Variants in CHERP observed in about 807,000 individuals in gnomAD.
The protein encoded by CHERP is ERPROT 213-21.
A neutral mutation model predicts 113.8 loss-of-function variants in CHERP; 8 were observed. The observed-to-expected ratio is 0.07, with a 90% CI of 0.04 to 0.13. CHERP has a LOEUF of 0.13. CHERP is among the 10% of genes least tolerant of loss of function. The probability of loss-of-function intolerance (pLI) is 1.00; values close to 1 mark genes in which losing one functional copy is unlikely to be tolerated. For synonymous variants in CHERP, 559 were observed against 524.5 expected (o/e 1.07, Z -0.90); for missense variants, 884 against 1,298.2 (o/e 0.68, Z 4.90).
Position 16,530,636 on chromosome 19 carries a change from G to A in CHERP, c.825C>T (p.Asp275=). The change falls in exon 7 of 17, where the codon GAC becomes GAT. Residue 275 remains aspartate (D), a synonymous_variant. Coordinates refer to ENST00000546361, the MANE Select transcript of CHERP (RefSeq NM_006387.6). This position sits in a 1 kb window ranked among gnomAD's most constrained non-coding sequence, Gnocchi z 4.1. The part of the protein sequence containing the change: ...QLWEKNGYFD[D]SIIQQLQSPA... ...GGCTCTGTAGCTGCTGAATGATGGAGTCATCGAAGTAGCCGTTTTTCTCCC... is the reference window on the plus strand; with the variant it reads ...GGCTCTGTAGCTGCTGAATGATGGAATCATCGAAGTAGCCGTTTTTCTCCC... 1 of 1,614,076 alleles carries A rather than the reference G, an allele frequency of 6.2e-7. No individual in the cohort carries two copies. The highest frequency in any genetic ancestry group is 1.1e-5 in the South Asian group (1 of 91,090).
rs1331715130 is a variant in CHERP, at chr19:16,525,917, G to C, written c.1306-240C>G. Among the ~76,000 whole-genome samples the C allele has an allele frequency of 6.6e-6, 1 of 152,164 alleles. No individual in the cohort carries two copies. The highest frequency in any genetic ancestry group is 2.1e-4 in the South Asian group (1 of 4,830). ...GCTGCACCCGCATCTCAGTCCCGGG[G>C]CTGTTTCTGCCGCTGGGGCGCGCTG... On this transcript the variant is annotated intron_variant, in intron 9 of 16. Transcript: ENST00000546361. The surrounding 1 kb of genome is among the most constrained non-coding windows in gnomAD (Gnocchi z 6.5).
chr19:16,533,126 GC>G lies in CHERP; in HGVS notation c.406del (p.Ala136ProfsTer17). 1 of 1,586,774 alleles carries G rather than the reference GC, an allele frequency of 6.3e-7. No individual in the cohort carries two copies. The highest frequency in any genetic ancestry group is 8.6e-7 in the Non-Finnish European group (1 of 1,166,910). On this transcript the variant is annotated frameshift_variant, in exon 4 of 17. Coordinates refer to ENST00000546361, the MANE Select transcript of CHERP (RefSeq NM_006387.6). LOFTEE classifies it high-confidence loss of function. ...LRQEQVTAAVAHAVEQQMQKL... is the reference protein window; with the variant it reads ...LRQEQVTAAVXHAVEQQMQKL... ...CTGCATCTGCTGCTCCACCGCGTGG[GC>G]CACGGCCGCTGTCACTTGCTCCTGC... is the stretch of plus-strand genomic sequence containing the variant.
Position 16,530,210 on chromosome 19 carries a change from C to T in CHERP, c.877-310G>A, listed in dbSNP as rs953904210. Among the ~76,000 whole-genome samples, 2 of 152,224 alleles carry T rather than the reference C, an allele frequency of 1.3e-5. No individual in the cohort carries two copies. Among genetic ancestry groups the T allele is most frequent in the African/African-American group, 2.4e-5 (1 of 41,448 alleles). On this transcript the variant is annotated intron_variant, in intron 7 of 16. Coordinates refer to ENST00000546361, the MANE Select transcript of CHERP (RefSeq NM_006387.6). This position sits in a 1 kb window ranked among gnomAD's most constrained non-coding sequence, Gnocchi z 4.1. Reference sequence around the variant, plus strand: ...CACTGCCCACCAACATTCTGGGACACGCTCATGGGCTCTGCCTCCCACTCG... The same window carrying T: ...CACTGCCCACCAACATTCTGGGACATGCTCATGGGCTCTGCCTCCCACTCG...
Position 16,530,463 on chromosome 19 carries a change from A to C in CHERP, c.876+122T>G. On this transcript the variant is annotated intron_variant, in intron 7 of 16. Coordinates refer to ENST00000546361, the MANE Select transcript of CHERP (RefSeq NM_006387.6). This position sits in a 1 kb window ranked among gnomAD's most constrained non-coding sequence, Gnocchi z 4.1. ...TCAACACACACTGGCTACTCCTAGC[A>C]CAGGCAGGGGACATGGGCTCTCTGG... 4 of 869,404 alleles carry C rather than the reference A, an allele frequency of 4.6e-6. No individual in the cohort carries two copies. Among genetic ancestry groups the C allele is most frequent in the Non-Finnish European group, 7.6e-6 (4 of 526,960 alleles). 53.9% of individuals were successfully genotyped at this position (869,404 alleles called of 1,614,324 possible).
intron 7 of CHERP, 100 bp from the exon 8 acceptor site, chr19:16,530,000 C>G: frequency 2.7e-6 from 4 of 1,460,872 alleles, no homozygotes; most frequent in Non-Finnish European, 3.7e-6. Flanking sequence ...GCCTGGGGGA[C>G]CTGGGGCAGG....
rs751586190 is a variant in CHERP, at chr19:16,529,769, TTGCTGCTGCTGCTGCTGC to T, written c.990_1007del (p.Gln336_Gln341del). The T allele has an allele frequency of 1.2e-6, 2 of 1,605,726 alleles. No individual in the cohort carries two copies. Among genetic ancestry groups the T allele is most frequent in the East Asian group, 2.2e-5 (1 of 44,852 alleles). ...GCATCTGGAGCTGCTGCTGCTGCTG[TTGCTGCTGCTGCTGCTGC>T]TGGGCCAGGCTGGTGACAAACTCCT... is the stretch of plus-strand genomic sequence containing the variant. On this transcript the variant is annotated inframe_deletion, in exon 8 of 17. Coordinates refer to ENST00000546361, the MANE Select transcript of CHERP (RefSeq NM_006387.6).
At chr19:16,534,771 G>C (rs919342638) in intron 3 of CHERP, among the ~76,000 whole-genome samples, 8 of 152,178 alleles carry the variant, frequency 5.3e-5, no homozygotes, top group African/African-American at 1.7e-4. Flanking sequence ...ACCACACCCA[G>C]CCAATGCACC....
chr19:16,536,703 C>T (rs138498853), intron 2 of CHERP, among the ~76,000 whole-genome samples: 1 of 152,300 alleles, frequency 6.6e-6, no homozygotes, highest in South Asian at 2.1e-4. Context: ...CCCTCTTTAC[C>T]CGTCCCTCCC....
Position 16,535,312 on chromosome 19 carries a change from T to G in CHERP, c.384+140A>C. On this transcript the variant is annotated intron_variant, in intron 3 of 16. Transcript: ENST00000546361. This position sits in a 1 kb window ranked among gnomAD's most constrained non-coding sequence, Gnocchi z 4.3. The stretch of plus-strand genomic sequence containing the variant: ...CTGGCATCAGGGCTGGGGGTGACAG[T>G]GGCTGACATGCACCGAGCCCTGGGT... The G allele has an allele frequency of 1.2e-6, 1 of 847,448 alleles. No homozygotes were observed. The highest frequency in any genetic ancestry group is 1.8e-6 in the Non-Finnish European group (1 of 546,550). 52.5% of individuals were successfully genotyped at this position (847,448 alleles called of 1,614,324 possible). A position where few individuals can be genotyped will look rare whatever the true frequency, so the allele number is the denominator to read the frequency against.
intron 2 of CHERP, among the ~76,000 whole-genome samples, chr19:16,540,421 G>A (rs1316665596): frequency 7.3e-6 from 1 of 136,578 alleles, no homozygotes; most frequent in African/African-American, 2.8e-5. Context: ...CACCCAGGCT[G>A]GAGCGCAATG....
rs2085580904 is a variant in CHERP, at chr19:16,519,130, G to A, written c.*29C>T. On this transcript the variant is annotated 3_prime_UTR_variant, in exon 17 of 17. Coordinates refer to ENST00000546361, the MANE Select transcript of CHERP (RefSeq NM_006387.6). The surrounding 1 kb of genome is among the most constrained non-coding windows in gnomAD (Gnocchi z 6.0). ...GAAGGTCCCACAGCCGGCACCGCTG[G>A]CCACCGGCGCGGCTCCCGGCATGGG... 1 of 1,597,414 alleles carries A rather than the reference G, an allele frequency of 6.3e-7. No individual in the cohort carries two copies. Among genetic ancestry groups the A allele is most frequent in the Non-Finnish European group, 8.5e-7 (1 of 1,172,062 alleles).
intron 9 of CHERP, chr19:16,526,037 G>A (rs571498403): frequency 7.1e-6 from 2 of 281,560 alleles, no homozygotes; most frequent in Admixed American, 5.3e-5. Context: ...AGGTGCAGAG[G>A]CACAGACGGT....
rs941317864 is a variant in CHERP at position 16,522,267 on chromosome 19, C to CT, written c.1981-614dup. ...CCGGCCCTGGCCTCCCCAACCCCCC[C>CT]TTTTTTTTTTTGAGACGGAGTCCTG... On this transcript the variant is annotated intron_variant, in intron 11 of 16. Coordinates refer to ENST00000546361, the MANE Select transcript of CHERP (RefSeq NM_006387.6). Among the ~76,000 whole-genome samples, 1,215 of 147,824 alleles carry CT rather than the reference C, an allele frequency of 8.2e-3. 12 individuals carry two copies. The highest frequency in any genetic ancestry group is 0.016 in the African/African-American group (662 of 40,742).
chr19:16,541,811 A>G, intron 2 of CHERP, 59 bp downstream of exon 2: 1 of 1,546,424 alleles, frequency 6.5e-7, no homozygotes, highest in Admixed American at 1.9e-5. Context: ...CAGAGCCCGG[A>G]CTGGAATCCG....
chr19:16,525,466 C>G lies in CHERP; in HGVS notation c.1517G>C (p.Gly506Ala). 6.4e-7 allele frequency: 1 copy of G among 1,551,658 alleles called. No individual in the cohort carries two copies. The highest frequency in any genetic ancestry group is 8.7e-7 in the Non-Finnish European group (1 of 1,148,616). ...GAAGGGTGGCTCGCGCTGGCCCCCGCCCCAGGGCGGCTGCTCGTGCTGGCT... is the reference window on the plus strand; with the variant it reads ...GAAGGGTGGCTCGCGCTGGCCCCCGGCCCAGGGCGGCTGCTCGTGCTGGCT... ...WNSQHEQPPWGGGQREPPFRM... is the reference protein window; with the variant it reads ...WNSQHEQPPWAGGQREPPFRM... Residue 506 changes from glycine (G) to alanine (A), a missense_variant, in exon 10 of 17, where the codon GGC becomes GCC. Gly to Ala is a moderately conservative substitution (Grantham distance 60). This residue lies in a region of CHERP where 464 missense variants were observed against 590.1 expected (regional missense o/e 0.79). Coordinates refer to ENST00000546361, the MANE Select transcript of CHERP (RefSeq NM_006387.6). The surrounding 1 kb of genome is among the most constrained non-coding windows in gnomAD (Gnocchi z 6.5).
chr19:16,517,912 A>G lies in CHERP; in HGVS notation c.*1247T>C, dbSNP rs2085559744. The G allele has an allele frequency of 6.6e-6, 1 of 152,318 alleles. No homozygotes were observed. 9.4% of individuals were successfully genotyped at this position (152,318 alleles called of 1,614,324 possible). Reference sequence around the variant, plus strand: ...AGAAAGGTCTTTAAAAAAAGGCTTTATTTGAAGGCAAAACAATGAAATCCA... The same window carrying G: ...AGAAAGGTCTTTAAAAAAAGGCTTTGTTTGAAGGCAAAACAATGAAATCCA... On this transcript the variant is annotated 3_prime_UTR_variant, in exon 17 of 17. Coordinates refer to ENST00000546361, the MANE Select transcript of CHERP (RefSeq NM_006387.6).
chr19:16,529,606 G>A (rs1488705857), intron 8 of CHERP, 42 bp downstream of exon 8: 20 of 1,527,098 alleles, frequency 1.3e-5, no homozygotes, highest in Non-Finnish European at 1.7e-5. Context: ...AGCCTCTGGG[G>A]GCTGTTTCCT....
chr19:16,530,697 G>C lies in CHERP; in HGVS notation c.787-23C>G, dbSNP rs746706199. ...GAGCTGGCGGTGGGAGGAGAGAGAG[G>C]CCGGGTCAGTGGGGAGGGGAAAGGC... On this transcript the variant is annotated intron_variant, in intron 6 of 16. Transcript: ENST00000546361. This position sits in a 1 kb window ranked among gnomAD's most constrained non-coding sequence, Gnocchi z 4.1. 1.9e-6 allele frequency: 3 copies of C among 1,613,802 alleles called. No homozygotes were observed. The highest frequency in any genetic ancestry group is 2.5e-6 in the Non-Finnish European group (3 of 1,179,868).
Position 16,530,988 on chromosome 19 carries a change from G to A in CHERP, c.675-108C>T, listed in dbSNP as rs772653780. 38 of 1,496,846 alleles carry A rather than the reference G, an allele frequency of 2.5e-5. No individual in the cohort carries two copies. Among genetic ancestry groups the A allele is most frequent in the East Asian group, 4.9e-5 (2 of 40,634 alleles). The allele number at this position is 1,496,846 out of a possible 1,614,324, so 92.7% of individuals were successfully genotyped here. On this transcript the variant is annotated intron_variant, in intron 5 of 16. Coordinates refer to ENST00000546361, the MANE Select transcript of CHERP (RefSeq NM_006387.6). This position sits in a 1 kb window ranked among gnomAD's most constrained non-coding sequence, Gnocchi z 4.1. ...AGCGCCCTCTGCCTTCTCGGGAATC[G>A]GGTCCCCAACCCGGTCAGGGCGATG...
Sources: allele counts gnomAD v4.1 joint callset (sites outside exome capture counted in the v4.1 genomes callset), GRCh38; gene constraint gnomAD v4.1.1; regional missense constraint gnomAD v4.1.1; non-coding constraint Gnocchi (gnomAD v3.1); transcripts MANE v1.5; gene names NCBI Gene and HGNC (gene_info 2026-07-23, HGNC 2026-07-21).